The following ASCC3 variants were observed in gnomAD, a reference collection of about 807,000 sequenced individuals.
The protein encoded by ASCC3 is activating signal cointegrator 1 complex subunit 3, also known as ASC-1 complex subunit P200.
ASCC3 carries 158 observed loss-of-function variants against 256.3 expected under a neutral mutation model. The ratio of observed to expected loss-of-function variants is 0.62; its 90% CI spans 0.54 to 0.70. The LOEUF (loss-of-function observed/expected upper bound fraction) is 0.70, where lower values mean the gene tolerates loss of function less well. Ranked by LOEUF, ASCC3 falls within the 30% of genes least tolerant of loss-of-function variation. ASCC3 has a pLI of 0.00. For missense variants in ASCC3, 2,259 were observed against 2,626.0 expected, an observed-to-expected ratio of 0.86 and a Z score of 3.05; for synonymous variants, 948 against 883.4, an observed-to-expected ratio of 1.07 and a Z score of -1.30.
At chr6:100,594,646 T>C (rs1199761796) in intron 34 of ASCC3, among the ~76,000 whole-genome samples, 1 of 152,046 alleles carries the variant, frequency 6.6e-6, no homozygotes, top group African/African-American at 2.4e-5. Context: ...AATCTAAAAA[T>C]AGATCTAGCA....
intron 13 of ASCC3, among the ~76,000 whole-genome samples, chr6:100,686,903 C>T (rs1777592897): frequency 6.6e-6 from 1 of 151,944 alleles, no homozygotes; most frequent in Admixed American, 6.6e-5. Flanking sequence ...GTACACTTTG[C>T]TCCTTTTTCT....
At chr6:100,626,590 G>C (rs1163713604) in intron 29 of ASCC3, among the ~76,000 whole-genome samples, 1 of 151,972 alleles carries the variant, frequency 6.6e-6, no homozygotes, top group Non-Finnish European at 1.5e-5. Flanking sequence ...ATGGTATGCA[G>C]TCATTCCATA....
At chr6:100,630,446 A>C (rs1774479158) in intron 26 of ASCC3, among the ~76,000 whole-genome samples, 1 of 151,830 alleles carries the variant, frequency 6.6e-6, no homozygotes, top group African/African-American at 2.4e-5. Context: ...TATCATTTTG[A>C]AAAAACATGA....
At chr6:100,538,299 T>C (rs1297426899) in intron 37 of ASCC3, among the ~76,000 whole-genome samples, 3 of 152,248 alleles carry the variant, frequency 2.0e-5, no homozygotes, top group East Asian at 1.9e-4. Context: ...CTTTAACCTT[T>C]GTGAAGTGTG....
At chr6:100,824,685 TAAAA>T (rs1267671903) in intron 4 of ASCC3, among the ~76,000 whole-genome samples, 1 of 151,604 alleles carries the variant, frequency 6.6e-6, no homozygotes, top group Non-Finnish European at 1.5e-5. Flanking sequence ...ACATATTAAA[TAAAA>T]TAAATTAAGA....
chr6:100,590,745 T>G (rs1164504638), intron 34 of ASCC3, among the ~76,000 whole-genome samples: 2 of 151,994 alleles, frequency 1.3e-5, no homozygotes, highest in Admixed American at 6.6e-5. Context: ...CAATTTCAAA[T>G]GGGAGAGGAC....
chr6:100,851,236 A>G (rs1417500793), intron 3 of ASCC3, among the ~76,000 whole-genome samples: 2 of 152,206 alleles, frequency 1.3e-5, no homozygotes, highest in Non-Finnish European at 2.9e-5. Flanking sequence ...GATTCCCTGT[A>G]AATTCCTAGA....
chr6:100,747,136 C>CAAAA (rs34268050), intron 10 of ASCC3, among the ~76,000 whole-genome samples: 3 of 140,178 alleles, frequency 2.1e-5, no homozygotes, highest in African/African-American at 7.7e-5. Flanking sequence ...CATATAGTTG[C>CAAAA]AAAAAAAAAA....
intron 8 of ASCC3, among the ~76,000 whole-genome samples, chr6:100,794,267 T>C (rs1769491644): frequency 6.6e-6 from 1 of 152,082 alleles, no homozygotes; most frequent in South Asian, 2.1e-4. Context: ...AGCATGGTTT[T>C]CAAAGCCCTT....
At chr6:100,783,534 G>A (rs1446178423) in intron 8 of ASCC3, among the ~76,000 whole-genome samples, 1 of 152,154 alleles carries the variant, frequency 6.6e-6, no homozygotes, top group Non-Finnish European at 1.5e-5. Flanking sequence ...CTGTCCTCAA[G>A]AGCTCACATT....
chr6:100,627,930 G>A lies in ASCC3; in HGVS notation c.4433C>T (p.Ser1478Leu). ...TATTCTAACAGGCTTTTCTGTGTGT[G>A]ATGAGATAAAATTTGTTCGAGATAC... ...VIVSRTNFIS[S>L]HTEKPVRIVG... The change falls in exon 28 of 42, where the codon TCA becomes TTA. Residue 1478 changes from serine to leucine, a missense_variant. Around this residue, in one of 2 missense-constraint regions of ASCC3, gnomAD observed 1,839 missense variants for 2,206.7 expected, o/e 0.83. Transcript: ENST00000369162. 1 of 1,613,584 alleles carries A rather than the reference G, an allele frequency of 6.2e-7. No homozygotes were observed. The highest frequency in any genetic ancestry group is 8.5e-7 in the Non-Finnish European group (1 of 1,179,796).
intron 25 of ASCC3, among the ~76,000 whole-genome samples, chr6:100,632,440 T>G (rs1774602180): frequency 6.6e-6 from 1 of 151,844 alleles, no homozygotes; most frequent in Non-Finnish European, 1.5e-5. Flanking sequence ...AGAATTCTAA[T>G]GGCATTTTTC....
chr6:100,871,835 G>T (rs1773756975), intron 1 of ASCC3, among the ~76,000 whole-genome samples: 1 of 152,102 alleles, frequency 6.6e-6, no homozygotes, highest in Admixed American at 6.5e-5. Flanking sequence ...CTCTTTTATT[G>T]AAAGTGACTT....
chr6:100,719,849 C>A (rs1293198998), intron 11 of ASCC3, among the ~76,000 whole-genome samples: 2 of 151,946 alleles, frequency 1.3e-5, no homozygotes, highest in Non-Finnish European at 2.9e-5. Context: ...TCCCTACTTA[C>A]TAAAAGTAGG....
At chr6:100,588,317 T>G (rs1023737138) in intron 36 of ASCC3, among the ~76,000 whole-genome samples, 2 of 152,152 alleles carry the variant, frequency 1.3e-5, no homozygotes, top group African/African-American at 4.8e-5. Flanking sequence ...TGAGATTAGA[T>G]AAATACGAAA....
Position 100,805,854 on chromosome 6 carries a change from T to G in ASCC3, c.828A>C (p.Gly276=). Residue 276 remains glycine (G), a synonymous_variant, in exon 5 of 42, where the codon GGA becomes GGC. Coordinates refer to ENST00000369162, the MANE Select transcript of ASCC3 (RefSeq NM_006828.4). ...GGAGGAGTTTCTCAATAAGTTCAAG[T>G]CCTTCAGGTCCCAGCAGTTCAAATA... ...DELFELLGPE[G]LELIEKLLQN... 1 of 1,611,490 alleles carries G rather than the reference T, an allele frequency of 6.2e-7. No homozygotes were observed.
intron 36 of ASCC3, among the ~76,000 whole-genome samples, chr6:100,588,838 A>G (rs1771840916): frequency 6.6e-6 from 1 of 152,104 alleles, no homozygotes; most frequent in Non-Finnish European, 1.5e-5. Context: ...GAACTACCAT[A>G]GAGTCAATGA....
At chr6:100,608,127 CATATATATGTATATATATCT>C in intron 30 of ASCC3, among the ~76,000 whole-genome samples, 1 of 113,150 alleles carries the variant, frequency 8.8e-6, no homozygotes, top group East Asian at 2.5e-4. Context: ...TCTATATATA[CATATATATGTATATATATCT>C]ATATATACAT....
At chr6:100,646,562 C>G in intron 22 of ASCC3, 53 bp downstream of exon 22, 1 of 1,569,264 alleles carries the variant, frequency 6.4e-7, no homozygotes, top group East Asian at 2.2e-5. Flanking sequence ...GTAGTTGAGT[C>G]TGTAGTACAG....
Sources: allele counts gnomAD v4.1 joint callset (sites outside exome capture counted in the v4.1 genomes callset), GRCh38; gene constraint gnomAD v4.1.1; regional missense constraint gnomAD v4.1.1; transcripts MANE v1.5; gene names NCBI Gene and HGNC (gene_info 2026-07-23, HGNC 2026-07-21).